Variants in ERBIN observed in about 807,000 individuals in gnomAD.
The protein encoded by ERBIN is erbb2 interacting protein, also known as densin-180-like protein.
Under a neutral mutation model 158.4 loss-of-function variants are expected in ERBIN, and 60 were observed. That is an observed-to-expected ratio of 0.38 (90% CI 0.31 to 0.47). ERBIN has a LOEUF of 0.47. ERBIN is among the 20% of genes least tolerant of loss of function. ERBIN has a pLI of 0.99. For synonymous variants in ERBIN, 594 were observed against 557.2 expected, an observed-to-expected ratio of 1.07 and a Z score of -0.93; for missense variants, 1,610 against 1,648.0, an observed-to-expected ratio of 0.98 and a Z score of 0.40.
intron 1 of ERBIN, among the ~76,000 whole-genome samples, chr5:65,974,052 TAGCGAAACTCC>T (rs377674487): frequency 2.4e-4 from 37 of 151,134 alleles, no homozygotes; most frequent in African/African-American, 8.9e-4. Flanking sequence ...CTGGGCAACA[TAGCGAAACTCC>T]ATCTCTACAA....
chr5:66,032,792 A>G (rs749644874), intron 14 of ERBIN, among the ~76,000 whole-genome samples: 10 of 152,128 alleles, frequency 6.6e-5, no homozygotes, highest in Admixed American at 1.3e-4. Context: ...TTTTTGAGGA[A>G]TAGTTTAAAA....
chr5:66,053,858 T>G lies in ERBIN; in HGVS notation c.2540T>G (p.Leu847Ter). 1 of 1,614,094 alleles carries G rather than the reference T, an allele frequency of 6.2e-7. No individual in the cohort carries two copies. Among genetic ancestry groups the G allele is most frequent in the Non-Finnish European group, 8.5e-7 (1 of 1,180,010 alleles). ...EPHDSDCSVDLGISKSTEDLS... is the reference protein window; with the variant it reads ...EPHDSDCSVD ...CATGACAGTGATTGTTCTGTTGACTTAGGTATTTCCAAAAGCACTGAAGAT... is the reference window on the plus strand; with the variant it reads ...CATGACAGTGATTGTTCTGTTGACTGAGGTATTTCCAAAAGCACTGAAGAT... Residue 847 changes from leucine (L) to a stop codon, truncating the protein, a stop_gained, in exon 21 of 26, where the codon TTA becomes TGA. Coordinates refer to ENST00000284037, the MANE Select transcript of ERBIN (RefSeq NM_001253697.2). LOFTEE classifies it high-confidence loss of function.
chr5:65,940,570 G>T (rs1359947071), intron 1 of ERBIN, among the ~76,000 whole-genome samples: 4 of 127,388 alleles, frequency 3.1e-5, no homozygotes, highest in Admixed American at 7.2e-5. Flanking sequence ...GGTGAGGGGC[G>T]CCTCTGCCCG....
chr5:65,947,331 G>C (rs1186176167), intron 1 of ERBIN, among the ~76,000 whole-genome samples: 1 of 152,154 alleles, frequency 6.6e-6, no homozygotes, highest in Non-Finnish European at 1.5e-5. Context: ...CCTGGTTCAA[G>C]AGATTCTCCT....
chr5:65,997,188 C>T (rs1443297006), intron 4 of ERBIN, among the ~76,000 whole-genome samples: 2 of 152,126 alleles, frequency 1.3e-5, no homozygotes, highest in African/African-American at 4.8e-5. Context: ...TATCCCAGAT[C>T]TTAAAGGAAA....
intron 21 of ERBIN, among the ~76,000 whole-genome samples, chr5:66,061,344 A>G (rs888311545): frequency 4.6e-5 from 7 of 151,978 alleles, no homozygotes; most frequent in Middle Eastern, 3.2e-3. Context: ...AGTCTGTTTT[A>G]TCGGAGACTA....
chr5:65,957,436 C>T (rs1747301341), intron 1 of ERBIN, among the ~76,000 whole-genome samples: 1 of 152,056 alleles, frequency 6.6e-6, no homozygotes, highest in South Asian at 2.1e-4. Flanking sequence ...GAGCATGCTG[C>T]CTTCAAGCAT....
intron 17 of ERBIN, 79 bp downstream of exon 17, chr5:66,044,389 T>C (rs1758206998): frequency 7.7e-7 from 1 of 1,305,138 alleles, no homozygotes; most frequent in Non-Finnish European, 1.1e-6. Context: ...GTGCCCCTTT[T>C]CATGTACTCT....
At chr5:66,007,803 T>C (rs1023311275) in intron 4 of ERBIN, among the ~76,000 whole-genome samples, 10 of 152,202 alleles carry the variant, frequency 6.6e-5, no homozygotes, top group African/African-American at 2.2e-4. Flanking sequence ...CAGCTTGGGA[T>C]AGGTTGAGTT....
rs1391911216 is a variant in ERBIN, at chr5:65,940,086, C to T, written c.-58+13280C>T. Among the ~76,000 whole-genome samples the T allele has an allele frequency of 2.7e-5, 4 of 149,856 alleles. No individual in the cohort carries two copies. In the East Asian group the frequency reaches 7.9e-4, roughly 30 times the overall value. On this transcript the variant is annotated intron_variant, in intron 1 of 25. Transcript: ENST00000284037. ...GGAGCGTCTCTGCCCGGCCGCCATC[C>T]CATCTAGGAAGTGAGGAGCGCCTCT...
chr5:66,041,083 A>G (rs1020154158), intron 15 of ERBIN, among the ~76,000 whole-genome samples: 1 of 151,810 alleles, frequency 6.6e-6, no homozygotes, highest in Admixed American at 6.6e-5. Context: ...TTGCCTCTGG[A>G]AGTTGGGGTA....
chr5:66,028,283 T>C lies in ERBIN; in HGVS notation c.1146T>C (p.Asn382=), dbSNP rs1378847542. The C allele has an allele frequency of 1.2e-6, 2 of 1,609,418 alleles. No homozygotes were observed. The highest frequency in any genetic ancestry group is 4.5e-5 in the East Asian group (2 of 44,684). ...TATTTTTTTCCTACAGATTAAAGAA[T>C]TTACCCTTTAGCTTTACAAAGCTAC... ...VINLSDNRLK[N]LPFSFTKLQQ... Residue 382 remains asparagine, a synonymous_variant, in exon 14 of 26, where the codon AAT becomes AAC. Coordinates refer to ENST00000284037, the MANE Select transcript of ERBIN (RefSeq NM_001253697.2).
Position 66,025,340 on chromosome 5 carries a change from G to C in ERBIN, c.818-140G>C, listed in dbSNP as rs569963810. ...ATGAGGGAATAGAACATTGGGATTG[G>C]GAGTGGTATCTCTTTTAGATACGTT... On this transcript the variant is annotated intron_variant, in intron 10 of 25. Transcript: ENST00000284037. 6.6e-5 allele frequency: 46 copies of C among 694,476 alleles called. No homozygotes were observed. In the East Asian group the frequency reaches 1.1e-3, roughly 17 times the overall value. The allele number at this position is 694,476 out of a possible 1,614,324, so 43.0% of individuals were successfully genotyped here. A position where few individuals can be genotyped will look rare whatever the true frequency, so the allele number is the denominator to read the frequency against.
At chr5:65,932,054 G>C (rs1305000407) in intron 1 of ERBIN, among the ~76,000 whole-genome samples, 4 of 151,972 alleles carry the variant, frequency 2.6e-5, no homozygotes, top group African/African-American at 9.7e-5. Context: ...CTGACCTCAG[G>C]TGATCTGCCC....
chr5:66,081,214 G>A lies in ERBIN; in HGVS notation c.*2684G>A, dbSNP rs1040915691. The A allele has an allele frequency of 2.0e-5, 3 of 151,558 alleles. No individual in the cohort carries two copies. The highest frequency in any genetic ancestry group is 2.1e-4 in the South Asian group (1 of 4,814). 9.4% of individuals were successfully genotyped at this position (151,558 alleles called of 1,614,324 possible). A position where few individuals can be genotyped will look rare whatever the true frequency, so the allele number is the denominator to read the frequency against. On this transcript the variant is annotated 3_prime_UTR_variant, in exon 26 of 26. Coordinates refer to ENST00000284037, the MANE Select transcript of ERBIN (RefSeq NM_001253697.2). ...TAATACTGATCAGAGTAATTTATAC[G>A]GCATACAATAGTTGATACAATCTAA...
rs958423960 is a variant in ERBIN at position 65,926,722 on chromosome 5, G to T, written c.-142G>T. On this transcript the variant is annotated 5_prime_UTR_variant, in exon 1 of 26. Coordinates refer to ENST00000284037, the MANE Select transcript of ERBIN (RefSeq NM_001253697.2). ...TCTCACCCGAGAGAGATATTCAGCT[G>T]GATCCAAAGTGACTGATGAAGGGAA... 1 of 151,990 alleles carries T rather than the reference G, an allele frequency of 6.6e-6. No homozygotes were observed. Among genetic ancestry groups the T allele is most frequent in the African/African-American group, 2.4e-5 (1 of 41,362 alleles). 9.4% of individuals were successfully genotyped at this position (151,990 alleles called of 1,614,324 possible). A position where few individuals can be genotyped will look rare whatever the true frequency, so the allele number is the denominator to read the frequency against.
chr5:65,959,851 G>C (rs906521427), intron 1 of ERBIN, among the ~76,000 whole-genome samples: 1 of 152,138 alleles, frequency 6.6e-6, no homozygotes, highest in African/African-American at 2.4e-5. Context: ...ACACGTGACA[G>C]ACAAAAATGT....
chr5:66,048,918 G>T (rs985837829), intron 19 of ERBIN, 137 bp downstream of exon 19: 1 of 545,458 alleles, frequency 1.8e-6, no homozygotes, highest in Admixed American at 3.8e-5. Context: ...TTTCTGAAAG[G>T]TTCTCTTTCC....
At chr5:66,014,493 G>A (rs942536952) in intron 6 of ERBIN, among the ~76,000 whole-genome samples, 176 bp from the exon 7 acceptor site, 1 of 152,078 alleles carries the variant, frequency 6.6e-6, no homozygotes, top group African/African-American at 2.4e-5. Flanking sequence ...CAATTTTGAG[G>A]AGCAAAAATA....
Sources: allele counts gnomAD v4.1 joint callset (sites outside exome capture counted in the v4.1 genomes callset), GRCh38; gene constraint gnomAD v4.1.1; transcripts MANE v1.5; gene names NCBI Gene and HGNC (gene_info 2026-07-23, HGNC 2026-07-21).